NLGN4X: variants seen among roughly 807,000 people sequenced by gnomAD.
NLGN4X encodes the protein neuroligin 4 X-linked.
In NLGN4X, 3 loss-of-function variants were observed where a neutral mutation model predicts 40.3. That is an observed-to-expected ratio of 0.07 (90% CI 0.03 to 0.19). The LOEUF (loss-of-function observed/expected upper bound fraction) is 0.19. Among genes scored for constraint, NLGN4X ranks in the 10% least tolerant of loss-of-function variants. The pLI is 1.00. For synonymous variants in NLGN4X, 270 were observed against 306.8 expected (o/e 0.88, Z 1.25); for missense variants, 382 against 708.3 (o/e 0.54, Z 5.23).
chrX:5,935,512 A>C (rs2033703207), intron 3 of NLGN4X, among the ~76,000 whole-genome samples: 1 of 112,260 alleles, frequency 8.9e-6, no homozygotes, highest in Non-Finnish European at 1.9e-5. Context: ...GGTGAATAAA[A>C]CTGTCCAACC....
intron 2 of NLGN4X, among the ~76,000 whole-genome samples, chrX:6,050,784 T>TATCTATCTA (rs2037472031): frequency 9.1e-6 from 1 of 110,267 alleles, no homozygotes; most frequent in African/African-American, 3.3e-5. Flanking sequence ...TCCATCTATC[T>TATCTATCTA]ATCTATCTAT....
At chrX:5,969,965 T>C (rs868160267) in intron 3 of NLGN4X, among the ~76,000 whole-genome samples, 5 of 94,573 alleles carry the variant, frequency 5.3e-5, no homozygotes, top group East Asian at 3.5e-4. Context: ...TAGGTGGGAA[T>C]TGAACAGTGA....
intron 1 of NLGN4X, among the ~76,000 whole-genome samples, chrX:6,209,998 G>A (rs10482288): frequency 0.14 from 15,691 of 110,917 alleles, 1,105 homozygotes; most frequent in African/African-American, 0.27. Context: ...TTACAGGAGC[G>A]AGCCATCACA....
At chrX:6,079,706 G>A (rs2038297964) in intron 2 of NLGN4X, among the ~76,000 whole-genome samples, 1 of 112,272 alleles carries the variant, frequency 8.9e-6, no homozygotes, top group South Asian at 3.7e-4. Context: ...CTTACACATA[G>A]TAAGCACTCA....
intron 3 of NLGN4X, among the ~76,000 whole-genome samples, chrX:5,978,259 C>G (rs750387061): frequency 1.8e-5 from 2 of 110,101 alleles, no homozygotes; most frequent in Admixed American, 9.6e-5. Context: ...ATTAAAAAGA[C>G]AGGCGTCTCT....
chrX:6,032,712 T>C, intron 2 of NLGN4X: 1 of 1,194,390 alleles, frequency 8.4e-7, no homozygotes, highest in Non-Finnish European at 1.1e-6. Context: ...CCACGGTCAT[T>C]ACTCGTTATA....
At chrX:5,935,706 T>C (rs1445758129) in intron 3 of NLGN4X, among the ~76,000 whole-genome samples, 1 of 111,917 alleles carries the variant, frequency 8.9e-6, no homozygotes. Context: ...AAGAGTTAAA[T>C]ATCTTGTGGT....
At chrX:5,893,754 A>T in intron 5 of NLGN4X, 88 bp from the exon 6 acceptor site, 3 of 1,014,350 alleles carry the variant, frequency 3.0e-6, no homozygotes, top group Non-Finnish European at 4.1e-6. Flanking sequence ...AGGAAGTTAC[A>T]ATCTGCTCTT....
chrX:5,933,006 C>A (rs2033606988), intron 3 of NLGN4X, among the ~76,000 whole-genome samples: 2 of 110,641 alleles, frequency 1.8e-5, no homozygotes, highest in African/African-American at 6.6e-5. Context: ...GAATAGGAAT[C>A]AGATTGACAT....
At chrX:6,006,635 T>C (rs1602051118) in intron 3 of NLGN4X, among the ~76,000 whole-genome samples, 1 of 111,628 alleles carries the variant, frequency 9.0e-6, no homozygotes, top group Middle Eastern at 4.6e-3. Flanking sequence ...TTTACCCACC[T>C]CTCTTCAGCA....
chrX:5,928,375 A>C (rs996747419), intron 3 of NLGN4X, among the ~76,000 whole-genome samples: 9 of 112,003 alleles, frequency 8.0e-5, no homozygotes, highest in African/African-American at 2.9e-4. Flanking sequence ...CACTGAATAA[A>C]TGAATACAAG....
At chrX:6,128,682 AG>A (rs2039613887) in intron 2 of NLGN4X, among the ~76,000 whole-genome samples, 1 of 112,116 alleles carries the variant, frequency 8.9e-6, no homozygotes, top group Admixed American at 9.4e-5. Context: ...GGAGGAAGAC[AG>A]GGGGATGTGG....
At chrX:6,155,103 G>A (rs62588038) in intron 1 of NLGN4X, among the ~76,000 whole-genome samples, 17,216 of 110,400 alleles carry the variant, frequency 0.16, 1,047 homozygotes, top group Middle Eastern at 0.23. Context: ...TCAAAGGCCT[G>A]GGAATATATT....
intron 3 of NLGN4X, among the ~76,000 whole-genome samples, chrX:5,928,037 G>C (rs761924083): frequency 9.0e-6 from 1 of 111,573 alleles, no homozygotes; most frequent in African/African-American, 3.3e-5. Flanking sequence ...ATTCCTACAC[G>C]CATCTGCAAC....
At chrX:6,042,730 T>TATATATATATATACACACACAC (rs1215396694) in intron 2 of NLGN4X, among the ~76,000 whole-genome samples, 1 of 20,166 alleles carries the variant, frequency 5.0e-5, no homozygotes, top group African/African-American at 1.6e-4. Context: ...TATATATATA[T>TATATATATATATACACACACAC]ACACACACAC....
chrX:6,224,991 T>TA, intron 1 of NLGN4X, among the ~76,000 whole-genome samples: 9 of 51,602 alleles, frequency 1.7e-4, no homozygotes, highest in African/African-American at 6.6e-4. Flanking sequence ...TATATATATA[T>TA]ATATATATAT....
chrX:5,984,359 A>C (rs965871248), intron 3 of NLGN4X, among the ~76,000 whole-genome samples: 7 of 108,612 alleles, frequency 6.4e-5, no homozygotes, highest in African/African-American at 2.4e-4. Flanking sequence ...GAAGCTTGAA[A>C]GTAAAATTTA....
intron 3 of NLGN4X, among the ~76,000 whole-genome samples, chrX:5,994,731 T>C (rs771485815): frequency 1.4e-4 from 16 of 112,142 alleles, no homozygotes; most frequent in East Asian, 2.8e-4. Context: ...CCCTAAGGGA[T>C]TGGCAGACAA....
At chrX:5,989,050 A>G (rs368401982) in intron 3 of NLGN4X, among the ~76,000 whole-genome samples, 1 of 108,748 alleles carries the variant, frequency 9.2e-6, no homozygotes, top group East Asian at 2.9e-4. Flanking sequence ...CTTGGGCGAC[A>G]GAGCGAGACT....
Sources: gnomAD v4.1 joint callset for allele counts (sites outside exome capture counted in the v4.1 genomes callset) on GRCh38, gnomAD v4.1.1 for gene constraint, MANE v1.5 for transcripts, NCBI Gene and HGNC (gene_info 2026-07-23, HGNC 2026-07-21) for gene names.